The following TRPM3 variants were observed in gnomAD, a reference collection of about 807,000 sequenced individuals.
TRPM3 encodes the protein long transient receptor potential channel 3.
Under a neutral mutation model 181.2 loss-of-function variants are expected in TRPM3, and 77 were observed. That is an observed-to-expected ratio of 0.42 (90% confidence interval 0.35 to 0.51). The LOEUF (loss-of-function observed/expected upper bound fraction) is 0.51. Among genes scored for constraint, TRPM3 ranks in the 20% least tolerant of loss-of-function variants. The pLI is 0.01. For missense variants in TRPM3, 1,759 were observed against 2,196.7 expected (o/e 0.80, Z 3.98); for synonymous variants, 745 against 796.4 (o/e 0.94, Z 1.09).
At chr9:70,769,884 T>A (rs1356047150) in intron 7 of TRPM3, among the ~76,000 whole-genome samples, 1 of 152,216 alleles carries the variant, frequency 6.6e-6, no homozygotes, top group Non-Finnish European at 1.5e-5. Flanking sequence ...GGATTGAGAC[T>A]GAGTAGCTGC....
At position 70,639,192 on chromosome 9, in the gene TRPM3, C is replaced by T. The variant is rs765464442; in HGVS notation, c.1449G>A (p.Val483=). Residue 483 remains valine (V), a splice_region_variant and synonymous_variant, in exon 11 of 26, where the codon GTG becomes GTA. Transcript: ENST00000677713. The part of the protein sequence containing the change: ...QIFIYGQQWP[V]GSLEQAMLDA... ...CCAACATGGCTTGCTCCAGAGATCC[C>T]ACCTGCAAACCAAGTCACTGAGTTA... is the stretch of plus-strand genomic sequence containing the variant. The T allele has an allele frequency of 9.3e-6, 15 of 1,613,560 alleles. No individual in the cohort carries two copies. The highest frequency in any genetic ancestry group is 1.3e-5 in the Non-Finnish European group (15 of 1,179,804).
intron 1 of TRPM3, among the ~76,000 whole-genome samples, chr9:71,265,917 C>G (rs971806853): frequency 6.6e-6 from 1 of 152,186 alleles, no homozygotes; most frequent in Admixed American, 6.5e-5. Context: ...CTGTCATTAT[C>G]AATGACATCA....
At chr9:71,372,776 C>G (rs2092558136) in intron 1 of TRPM3, among the ~76,000 whole-genome samples, 1 of 152,124 alleles carries the variant, frequency 6.6e-6, no homozygotes, top group African/African-American at 2.4e-5. Context: ...AAATGGCAAG[C>G]TGGGTAAAGG....
intron 1 of TRPM3, among the ~76,000 whole-genome samples, chr9:70,924,053 G>A (rs1254964462): frequency 6.6e-6 from 1 of 151,498 alleles, no homozygotes; most frequent in Non-Finnish European, 1.5e-5. Flanking sequence ...TCTCAACTGA[G>A]GGCAATTTTG....
chr9:71,394,813 C>T (rs554700640), intron 1 of TRPM3, among the ~76,000 whole-genome samples: 2 of 152,320 alleles, frequency 1.3e-5, no homozygotes, highest in Non-Finnish European at 2.9e-5. Context: ...TCCTAAAATA[C>T]GTTACAGTGT....
intron 18 of TRPM3, 147 bp from the exon 19 acceptor site, chr9:70,610,896 G>A (rs2133015053): frequency 1.1e-6 from 1 of 889,946 alleles, no homozygotes; most frequent in East Asian, 2.5e-5. Context: ...TTCCCTAAGA[G>A]TGCATTTGCA....
At chr9:71,169,671 G>A (rs745957128) in intron 1 of TRPM3, among the ~76,000 whole-genome samples, 7 of 151,690 alleles carry the variant, frequency 4.6e-5, no homozygotes, top group Admixed American at 2.6e-4. Flanking sequence ...ATCCAAATTC[G>A]GGTCCAGGCA....
chr9:71,250,923 T>C (rs1367367744), intron 1 of TRPM3, among the ~76,000 whole-genome samples: 2 of 150,968 alleles, frequency 1.3e-5, no homozygotes, highest in Non-Finnish European at 3.0e-5. Context: ...AGAGAGGGGG[T>C]TTGATTTTCG....
intron 1 of TRPM3, among the ~76,000 whole-genome samples, chr9:71,024,178 A>G (rs1442233649): frequency 6.6e-6 from 1 of 152,222 alleles, no homozygotes; most frequent in Non-Finnish European, 1.5e-5. Flanking sequence ...CAAAAATATT[A>G]AAAAACATAT....
At chr9:71,427,440 A>T (rs1011477298) in intron 1 of TRPM3, among the ~76,000 whole-genome samples, 6 of 152,194 alleles carry the variant, frequency 3.9e-5, no homozygotes, top group African/African-American at 7.2e-5. Flanking sequence ...GCTAACATCG[A>T]GAACCACCAT....
intron 1 of TRPM3, among the ~76,000 whole-genome samples, chr9:71,197,567 C>A (rs11142721): frequency 0.43 from 64,283 of 150,698 alleles, 14,105 homozygotes; most frequent in East Asian, 0.52. Context: ...GCCATTCTAA[C>A]TGGTGTGAGA....
intron 22 of TRPM3, among the ~76,000 whole-genome samples, chr9:70,555,610 C>T (rs2047506878): frequency 6.6e-6 from 1 of 152,198 alleles, no homozygotes; most frequent in African/African-American, 2.4e-5. Context: ...TAGCTCCTTT[C>T]TTAGGTTCTT....
intron 1 of TRPM3, among the ~76,000 whole-genome samples, chr9:70,916,744 A>G (rs548936894): frequency 6.6e-6 from 1 of 152,370 alleles, no homozygotes; most frequent in African/African-American, 2.4e-5. Context: ...GAAATAAGAA[A>G]GAAAATACAA....
chr9:71,056,762 T>G (rs1159814754), intron 1 of TRPM3, among the ~76,000 whole-genome samples: 1 of 152,008 alleles, frequency 6.6e-6, no homozygotes, highest in Non-Finnish European at 1.5e-5. Context: ...ACCAGTGCTC[T>G]GACATCTTGA....
At chr9:70,930,391 AAATT>A (rs1456954384) in intron 1 of TRPM3, among the ~76,000 whole-genome samples, 4 of 152,184 alleles carry the variant, frequency 2.6e-5, no homozygotes, top group African/African-American at 9.7e-5. Context: ...CATGTCATAA[AAATT>A]ATTTATCTGG....
intron 1 of TRPM3, among the ~76,000 whole-genome samples, chr9:71,044,066 C>T (rs1024389598): frequency 6.6e-6 from 1 of 152,068 alleles, no homozygotes; most frequent in Non-Finnish European, 1.5e-5. Context: ...TAGGCTTTTC[C>T]ATAATTAAAT....
intron 1 of TRPM3, among the ~76,000 whole-genome samples, chr9:70,954,543 G>T (rs1256542540): frequency 1.3e-5 from 2 of 151,714 alleles, no homozygotes; most frequent in Non-Finnish European, 2.9e-5. Context: ...ATTTTACGTT[G>T]CTTTTTCTTT....
chr9:71,214,925 T>G lies in TRPM3; in HGVS notation c.183+231728A>C, dbSNP rs142549204. Among the ~76,000 whole-genome samples the G allele has an allele frequency of 6.6e-5, 10 of 151,808 alleles. No homozygotes were observed. In the East Asian group the frequency reaches 2.0e-3, roughly 30 times the overall value. ...AGTCCTTACACTTTTCCAGGTAAAT[T>G]CTGCTGTCATTTTGCACCTGAAGCC... On this transcript the variant is annotated intron_variant, in intron 1 of 24. Transcript: ENST00000357533.
chr9:71,022,804 C>A (rs1026424234), intron 1 of TRPM3, among the ~76,000 whole-genome samples: 1 of 151,986 alleles, frequency 6.6e-6, no homozygotes, highest in Admixed American at 6.6e-5. Context: ...CCTGTACGTT[C>A]TGCACATGTA....
Sources: gnomAD v4.1 joint callset for allele counts (sites outside exome capture counted in the v4.1 genomes callset) on GRCh38, gnomAD v4.1.1 for gene constraint, MANE v1.5 for transcripts, NCBI Gene and HGNC (gene_info 2026-07-23, HGNC 2026-07-21) for gene names.